The following GPR107 variants were observed in gnomAD, a reference collection of about 807,000 sequenced individuals.
GPR107 encodes G protein-coupled receptor 107.
A neutral mutation model predicts 75.5 loss-of-function variants in GPR107; 31 were observed. The observed-to-expected ratio is 0.41, with a 90% CI of 0.31 to 0.55. The LOEUF (loss-of-function observed/expected upper bound fraction) is 0.55, where lower values mean the gene tolerates loss of function less well. Ranked by LOEUF, GPR107 falls within the 20% of genes least tolerant of loss-of-function variation. GPR107 has a pLI of 0.26. For missense variants in GPR107, 572 were observed against 665.7 expected (o/e 0.86, Z 1.55); for synonymous variants, 267 against 251.3 (o/e 1.06, Z -0.59).
At chr9:130,118,129 C>T (rs1336002849) in intron 14 of GPR107, among the ~76,000 whole-genome samples, 1 of 152,122 alleles carries the variant, frequency 6.6e-6, no homozygotes, top group African/African-American at 2.4e-5. Flanking sequence ...TAACTTTGGT[C>T]ATTTACTAAA....
chr9:130,080,626 G>A (rs1830471401), intron 5 of GPR107, among the ~76,000 whole-genome samples: 1 of 151,646 alleles, frequency 6.6e-6, no homozygotes, highest in East Asian at 2.0e-4. Context: ...CAAGTAGCTG[G>A]GACTACAGGC....
At chr9:130,070,283 C>T (rs1264231311) in intron 1 of GPR107, among the ~76,000 whole-genome samples, 1 of 151,516 alleles carries the variant, frequency 6.6e-6, no homozygotes, top group Non-Finnish European at 1.5e-5. Context: ...ATCACAGGCA[C>T]CTGCTATTAC....
intron 7 of GPR107, 31 bp downstream of exon 7, chr9:130,086,507 G>T (rs773620172): frequency 2.4e-6 from 3 of 1,270,638 alleles, no homozygotes. Flanking sequence ...AAGCCTCCTA[G>T]AATTTCTCTC....
At chr9:130,093,098 A>G (rs1830780201) in intron 9 of GPR107, among the ~76,000 whole-genome samples, 1 of 152,224 alleles carries the variant, frequency 6.6e-6, no homozygotes, top group Non-Finnish European at 1.5e-5. Flanking sequence ...GTTACTGCTT[A>G]GAACTGAAGG....
intron 4 of GPR107, among the ~76,000 whole-genome samples, chr9:130,078,793 G>T (rs1420957860): frequency 6.6e-6 from 1 of 152,180 alleles, no homozygotes. Flanking sequence ...GCTTGAATGT[G>T]CCAGCTTAGG....
chr9:130,063,325 G>A (rs1297508833), intron 1 of GPR107, among the ~76,000 whole-genome samples: 1 of 152,046 alleles, frequency 6.6e-6, no homozygotes, highest in Admixed American at 6.6e-5. Flanking sequence ...CGAGTAGCTG[G>A]GACTACAGGC....
At chr9:130,093,428 G>T (rs1257357943) in intron 9 of GPR107, among the ~76,000 whole-genome samples, 2 of 152,158 alleles carry the variant, frequency 1.3e-5, no homozygotes, top group Non-Finnish European at 2.9e-5. Flanking sequence ...TAAATTCATA[G>T]AATAATTAAG....
chr9:130,079,480 G>T, intron 4 of GPR107, 150 bp from the exon 5 acceptor site: 1 of 554,834 alleles, frequency 1.8e-6, no homozygotes, highest in Non-Finnish European at 2.9e-6. Context: ...CTGAGCCTCA[G>T]TTTTGGTATC....
Position 130,135,512 on chromosome 9 carries a change from C to T in GPR107, c.*391C>T, listed in dbSNP as rs376337199. On this transcript the variant is annotated 3_prime_UTR_variant, in exon 18 of 18. Coordinates refer to ENST00000347136, the MANE Select transcript of GPR107 (RefSeq NM_020960.5). ...GGCTGGTGGAGGGGGAAGGAGGGTG[C>T]GAGGTGTCTGTCTGATGCTTTAGGA... is the stretch of plus-strand genomic sequence containing the variant. The T allele has an allele frequency of 5.6e-4, 94 of 168,420 alleles. No individual in the cohort carries two copies. Among genetic ancestry groups the T allele is most frequent in the African/African-American group, 2.0e-3 (84 of 41,690 alleles). The allele number at this position is 168,420 out of a possible 1,614,324, so 10.4% of individuals were successfully genotyped here. A position where few individuals can be genotyped will look rare whatever the true frequency, so the allele number is the denominator to read the frequency against.
intron 15 of GPR107, among the ~76,000 whole-genome samples, chr9:130,125,892 A>G (rs1831665135): frequency 6.6e-6 from 1 of 151,908 alleles, no homozygotes. Flanking sequence ...TACTAAAAAT[A>G]AAAAATAAAA....
In GPR107 at chr9:130,103,395, G is replaced by A. The variant is rs1253685207; in HGVS notation, c.1132-1025G>A. On this transcript the variant is annotated intron_variant, in intron 12 of 17. Coordinates refer to ENST00000347136, the MANE Select transcript of GPR107 (RefSeq NM_020960.5). The surrounding 1 kb of genome is among the most constrained non-coding windows in gnomAD (Gnocchi z 4.3). The stretch of plus-strand genomic sequence containing the variant: ...TTTGGGACCAGGGACTTCTCATGGG[G>A]TATATAGGTGGAATGATAACCTCTG... 1.3e-5 allele frequency among the ~76,000 whole-genome samples: 2 copies of A among 152,160 alleles called. No individual in the cohort carries two copies. The highest frequency in any genetic ancestry group is 1.5e-5 in the Non-Finnish European group (1 of 68,032).
chr9:130,075,493 G>C, intron 1 of GPR107, 143 bp from the exon 2 acceptor site: 1 of 528,974 alleles, frequency 1.9e-6, no homozygotes, highest in Non-Finnish European at 3.5e-6. Flanking sequence ...TGATCCACCC[G>C]CCTCAGTCTC....
chr9:130,070,322 G>C (rs1348285376), intron 1 of GPR107, among the ~76,000 whole-genome samples: 1 of 151,972 alleles, frequency 6.6e-6, no homozygotes, highest in African/African-American at 2.4e-5. Context: ...TATTTATTTT[G>C]AGACAGAGTC....
At chr9:130,104,603 A>G (rs554644277) in intron 13 of GPR107, 53 bp downstream of exon 13, 50 of 1,509,918 alleles carry the variant, frequency 3.3e-5, no homozygotes, top group Middle Eastern at 1.8e-4. Flanking sequence ...GTCAAGCCCA[A>G]TAGCTGAACT....
chr9:130,106,630 A>AAT (rs1831166135), intron 13 of GPR107, among the ~76,000 whole-genome samples: 1 of 150,768 alleles, frequency 6.6e-6, no homozygotes, highest in Non-Finnish European at 1.5e-5. Context: ...TAATAATAAT[A>AAT]ATAATAATAC....
intron 17 of GPR107, among the ~76,000 whole-genome samples, chr9:130,131,381 C>T (rs563258851): frequency 5.9e-5 from 9 of 152,202 alleles, no homozygotes; most frequent in African/African-American, 1.9e-4. Flanking sequence ...GGGCATCTGC[C>T]ATCAGGTTTC....
chr9:130,062,063 A>T (rs1829938455), intron 1 of GPR107, among the ~76,000 whole-genome samples: 1 of 152,134 alleles, frequency 6.6e-6, no homozygotes, highest in Non-Finnish European at 1.5e-5. Context: ...TTGTAAAATA[A>T]GGATAATGGT....
chr9:130,122,114 A>C (rs1188798772), intron 14 of GPR107, among the ~76,000 whole-genome samples: 1 of 151,986 alleles, frequency 6.6e-6, no homozygotes, highest in Admixed American at 6.6e-5. Context: ...GATGGTCTCG[A>C]TCTCCTGACC....
At chr9:130,108,130 T>C (rs1464225835) in intron 14 of GPR107, among the ~76,000 whole-genome samples, 1 of 152,238 alleles carries the variant, frequency 6.6e-6, no homozygotes, top group South Asian at 2.1e-4. Context: ...TGGGCTTATT[T>C]GAATAATGTT....
Sources: gnomAD v4.1 joint callset for allele counts (sites outside exome capture counted in the v4.1 genomes callset) on GRCh38, gnomAD v4.1.1 for gene constraint, Gnocchi (gnomAD v3.1) non-coding constraint, MANE v1.5 for transcripts, NCBI Gene and HGNC (gene_info 2026-07-23, HGNC 2026-07-21) for gene names.